The following TCF4 variants were observed in gnomAD, a reference collection of about 807,000 sequenced individuals.
TCF4 encodes the protein transcription factor 4.
A neutral mutation model predicts 82.1 loss-of-function variants in TCF4; 3 were observed. The ratio of observed to expected loss-of-function variants is 0.04; its 90% CI spans 0.02 to 0.09. The LOEUF (loss-of-function observed/expected upper bound fraction) is 0.09. Among genes scored for constraint, TCF4 ranks in the 10% least tolerant of loss-of-function variants. TCF4 has a pLI of 1.00. For synonymous variants in TCF4, 276 were observed against 309.6 expected, an observed-to-expected ratio of 0.89 and a Z score of 1.14; for missense variants, 518 against 852.7, an observed-to-expected ratio of 0.61 and a Z score of 4.89.
intron 5 of TCF4, among the ~76,000 whole-genome samples, chr18:55,429,607 A>G (rs954151110): frequency 6.6e-6 from 1 of 151,832 alleles, no homozygotes; most frequent in Non-Finnish European, 1.5e-5. Context: ...TAAAAATACA[A>G]AAAATTAGCC....
At chr18:55,269,193 CATT>C (rs2059827178) in intron 11 of TCF4, 1 of 154,720 alleles carries the variant, frequency 6.5e-6, no homozygotes, top group African/African-American at 2.4e-5. Flanking sequence ...GACCTTAACT[CATT>C]AGTAAATGTC....
intron 5 of TCF4, among the ~76,000 whole-genome samples, chr18:55,431,030 T>C (rs183316569): frequency 5.0e-4 from 76 of 151,628 alleles, no homozygotes; most frequent in African/African-American, 1.6e-3. Context: ...TGAAAGAAAA[T>C]AGAGTTATGA....
At chr18:55,423,961 T>C (rs2094881644) in intron 5 of TCF4, among the ~76,000 whole-genome samples, 1 of 152,176 alleles carries the variant, frequency 6.6e-6, no homozygotes, top group Non-Finnish European at 1.5e-5. Flanking sequence ...TTGTCACTTA[T>C]GAGGAGTCCG....
At chr18:55,331,802 T>C (rs778935444) in intron 8 of TCF4, among the ~76,000 whole-genome samples, 11 of 152,228 alleles carry the variant, frequency 7.2e-5, no homozygotes, top group Admixed American at 5.9e-4. Context: ...TTTACCTAGA[T>C]TATAATCTGC....
rs2147980790 is a variant in TCF4 at position 55,620,631 on chromosome 18, T to A, written c.286+10667A>T. On this transcript the variant is annotated intron_variant, in intron 2 of 20. Coordinates refer to the TCF4 transcript ENST00000398339. ...TCTCAACTCAGAGAGCCTACTGAGT[T>A]CTGCTTAGGTTTTATCTTCCTGCAC... is the stretch of plus-strand genomic sequence containing the variant. 2.0e-5 allele frequency among the ~76,000 whole-genome samples: 3 copies of A among 152,316 alleles called. No homozygotes were observed. The Middle Eastern group carries it at 0.01, about 518-fold the overall frequency.
intron 8 of TCF4, among the ~76,000 whole-genome samples, chr18:55,345,327 A>G (rs1330460200): frequency 6.6e-6 from 1 of 151,122 alleles, no homozygotes; most frequent in Non-Finnish European, 1.5e-5. Context: ...CTGAACTAGA[A>G]GTCTGGTTTA....
intron 8 of TCF4, among the ~76,000 whole-genome samples, chr18:55,314,370 C>T (rs2147279641): frequency 6.6e-6 from 1 of 152,172 alleles, no homozygotes; most frequent in South Asian, 2.1e-4. Context: ...GGAATGTAAA[C>T]ATTTCTGCAA....
At chr18:55,230,379 G>A (rs922327248) in intron 17 of TCF4, 17 of 152,296 alleles carry the variant, frequency 1.1e-4, no homozygotes, top group Admixed American at 9.2e-4. Context: ...ACAGCAGCAG[G>A]GTTCAAATAT....
intron 5 of TCF4, among the ~76,000 whole-genome samples, chr18:55,448,521 T>C (rs1280755773): frequency 6.6e-6 from 1 of 152,238 alleles, no homozygotes; most frequent in Admixed American, 6.5e-5. Flanking sequence ...ATATGTACAC[T>C]TTACAGTGTT....
rs1421731651 is a variant in TCF4 at position 55,510,568 on chromosome 18, T to C, written c.146-46431A>G. On this transcript the variant is annotated intron_variant, in intron 3 of 19. Transcript: ENST00000354452. ...GTAAGCTTTTAAAATACAAGTTACATAAATATTTACCTCTGCTGTCCTCTT... is the reference window on the plus strand; with the variant it reads ...GTAAGCTTTTAAAATACAAGTTACACAAATATTTACCTCTGCTGTCCTCTT... 5 of 1,487,360 alleles carry C rather than the reference T, an allele frequency of 3.4e-6. No individual in the cohort carries two copies. The Admixed American group carries it at 6.4e-5, about 19-fold the overall frequency. 92.1% of individuals were successfully genotyped at this position (1,487,360 alleles called of 1,614,324 possible). A position where few individuals can be genotyped will look rare whatever the true frequency, so the allele number is the denominator to read the frequency against.
intron 5 of TCF4, among the ~76,000 whole-genome samples, chr18:55,415,346 C>A (rs2094488978): frequency 6.6e-6 from 1 of 152,112 alleles, no homozygotes; most frequent in African/African-American, 2.4e-5. Context: ...TGGTAAATAT[C>A]TGATCAGTTG....
At chr18:55,399,508 T>C (rs1198989221) in intron 6 of TCF4, among the ~76,000 whole-genome samples, 3 of 152,190 alleles carry the variant, frequency 2.0e-5, no homozygotes, top group Non-Finnish European at 4.4e-5. Context: ...AAACAAGATA[T>C]GGGCTGGGAC....
chr18:55,299,839 A>T (rs2067613355), intron 8 of TCF4, among the ~76,000 whole-genome samples: 1 of 152,152 alleles, frequency 6.6e-6, no homozygotes, highest in Non-Finnish European at 1.5e-5. Flanking sequence ...AGTAATGAGG[A>T]GTACCCCCTA....
At chr18:55,385,037 C>A (rs1453209579) in intron 6 of TCF4, among the ~76,000 whole-genome samples, 1 of 151,998 alleles carries the variant, frequency 6.6e-6, no homozygotes, top group Non-Finnish European at 1.5e-5. Flanking sequence ...CTCCCCCTTA[C>A]CCCCTTTCTC....
intron 3 of TCF4, among the ~76,000 whole-genome samples, chr18:55,571,891 C>T (rs900767707): frequency 2.1e-5 from 3 of 141,594 alleles, no homozygotes; most frequent in African/African-American, 7.9e-5. Flanking sequence ...AAAAAAAAAG[C>T]ATTGTAGATG....
At chr18:55,576,683 T>C (rs2097530789) in intron 3 of TCF4, among the ~76,000 whole-genome samples, 1 of 152,188 alleles carries the variant, frequency 6.6e-6, no homozygotes, top group Admixed American at 6.6e-5. Flanking sequence ...CCTTCATTAT[T>C]AATTTCCCCA....
At chr18:55,289,998 C>T (rs1284791410) in intron 8 of TCF4, among the ~76,000 whole-genome samples, 2 of 152,110 alleles carry the variant, frequency 1.3e-5, no homozygotes, top group East Asian at 3.8e-4. Flanking sequence ...AATAAACACA[C>T]CACACATGGG....
intron 8 of TCF4, among the ~76,000 whole-genome samples, chr18:55,326,901 T>A (rs918052641): frequency 2.0e-5 from 3 of 152,190 alleles, no homozygotes; most frequent in African/African-American, 7.2e-5. Flanking sequence ...GATCCATGTG[T>A]CATATTCAAC....
intron 6 of TCF4, 82 bp from the exon 7 acceptor site, chr18:55,351,085 A>G: frequency 6.4e-7 from 1 of 1,566,566 alleles, no homozygotes; most frequent in Non-Finnish European, 8.8e-7. Flanking sequence ...TAGTACTTAA[A>G]CCAATGCAAT....
Sources: allele counts gnomAD v4.1 joint callset (sites outside exome capture counted in the v4.1 genomes callset), GRCh38; gene constraint gnomAD v4.1.1; transcripts MANE v1.5; gene names NCBI Gene and HGNC (gene_info 2026-07-23, HGNC 2026-07-21).